The following HMCN1 variants were observed in gnomAD, a reference collection of about 807,000 sequenced individuals.
HMCN1 encodes hemicentin 1.
Under a neutral mutation model 625.9 loss-of-function variants are expected in HMCN1, and 321 were observed. The observed-to-expected ratio is 0.51, with a 90% confidence interval of 0.47 to 0.56. The LOEUF (loss-of-function observed/expected upper bound fraction) is 0.56. Among genes scored for constraint, HMCN1 ranks in the 20% least tolerant of loss-of-function variants. The pLI is 0.00. For synonymous variants in HMCN1, 2,425 were observed against 2,417.6 expected (o/e 1.00, Z -0.09); for missense variants, 6,588 against 6,887.3 (o/e 0.96, Z 1.54).
intron 1 of HMCN1, among the ~76,000 whole-genome samples, chr1:185,801,091 A>T (rs1658763964): frequency 1.3e-5 from 2 of 152,220 alleles, no homozygotes; most frequent in Non-Finnish European, 2.9e-5. Flanking sequence ...GACTGTACAC[A>T]AGAGGTGCTT....
chr1:186,050,093 AATTT>A (rs1281167186), intron 42 of HMCN1, among the ~76,000 whole-genome samples: 5 of 151,430 alleles, frequency 3.3e-5, no homozygotes, highest in Admixed American at 6.6e-5. Context: ...TTTATTTAAT[AATTT>A]ATTTAATATT....
chr1:186,012,389 G>T (rs72718878), intron 30 of HMCN1, among the ~76,000 whole-genome samples: 1 of 150,536 alleles, frequency 6.6e-6, no homozygotes, highest in Non-Finnish European at 1.5e-5. Flanking sequence ...AATCCTTCAG[G>T]TTTTTTTTGG....
intron 2 of HMCN1, among the ~76,000 whole-genome samples, chr1:185,850,054 A>G (rs1662070865): frequency 6.6e-6 from 1 of 152,256 alleles, no homozygotes; most frequent in East Asian, 1.9e-4. Flanking sequence ...AAATGCTTTC[A>G]TGTACCCTTA....
chr1:186,069,578 A>G (rs530486549), intron 50 of HMCN1, 85 bp from the exon 51 acceptor site: 1 of 813,294 alleles, frequency 1.2e-6, no homozygotes, highest in African/African-American at 1.7e-5. Context: ...ATATGTTAAC[A>G]AGAAGACGTA....
chr1:185,791,643 A>G (rs1163778953), intron 1 of HMCN1, among the ~76,000 whole-genome samples: 1 of 152,078 alleles, frequency 6.6e-6, no homozygotes, highest in Admixed American at 6.6e-5. Flanking sequence ...AATCACTTGA[A>G]CCCAGGAGGC....
At chr1:185,982,429 G>A in intron 18 of HMCN1, 40 bp downstream of exon 18, 3 of 1,565,350 alleles carry the variant, frequency 1.9e-6, no homozygotes, top group Non-Finnish European at 2.6e-6. Flanking sequence ...ATTCTTTTGT[G>A]AGTTTTCTTT....
intron 1 of HMCN1, among the ~76,000 whole-genome samples, chr1:185,765,314 C>T (rs951247355): frequency 1.2e-4 from 18 of 151,690 alleles, no homozygotes; most frequent in South Asian, 1.0e-3. Context: ...GCATGAAAAA[C>T]GGAGGAGAGA....
At chr1:186,088,309 TG>T in intron 62 of HMCN1, 33 bp downstream of exon 62, 1 of 1,611,896 alleles carries the variant, frequency 6.2e-7, no homozygotes, top group Non-Finnish European at 8.5e-7. Context: ...TGTGTGTGTG[TG>T]TTTTTTTCTC....
At chr1:186,138,111 T>G in intron 89 of HMCN1, 139 bp downstream of exon 89, 2 of 976,174 alleles carry the variant, frequency 2.0e-6, no homozygotes, top group Non-Finnish European at 3.2e-6. Context: ...ATTCACTATA[T>G]TCTTAGTTCT....
chr1:186,043,002 G>T (rs922316928), intron 40 of HMCN1, among the ~76,000 whole-genome samples: 6 of 151,974 alleles, frequency 3.9e-5, no homozygotes, highest in Non-Finnish European at 7.4e-5. Flanking sequence ...AGTATGTTTT[G>T]CCATACCCTG....
Position 186,128,251 on chromosome 1 carries a change from G to T in HMCN1, c.12864G>T (p.Leu4288Phe), listed in dbSNP as rs1308884935. The change falls in exon 83 of 107, where the codon TTG becomes TTT. Residue 4288 changes from leucine (L) to phenylalanine (F), a missense_variant. By Grantham distance (22) the Leu-to-Phe change is conservative. Coordinates refer to ENST00000271588, the MANE Select transcript of HMCN1 (RefSeq NM_031935.3). ...RLSCKATGIP[L>F]PKLTWTFNNN... ...GCTGTAAAGCTACTGGTATTCCATT[G>T]CCCAAATTAACATGGACCTTCAATA... The T allele has an allele frequency of 6.2e-7, 1 of 1,613,446 alleles. No homozygotes were observed. The highest frequency in any genetic ancestry group is 1.1e-5 in the South Asian group (1 of 91,068).
chr1:185,962,161 G>A (rs1169370582), intron 11 of HMCN1, among the ~76,000 whole-genome samples: 1 of 152,150 alleles, frequency 6.6e-6, no homozygotes, highest in Non-Finnish European at 1.5e-5. Flanking sequence ...TGTCTAGAAA[G>A]AGCCAAAAAC....
intron 1 of HMCN1, among the ~76,000 whole-genome samples, chr1:185,770,993 G>A (rs1656204717): frequency 6.6e-6 from 1 of 152,110 alleles, no homozygotes; most frequent in Admixed American, 6.6e-5. Context: ...TGGATCCTGG[G>A]ATATTCCTGG....
intron 1 of HMCN1, among the ~76,000 whole-genome samples, chr1:185,828,673 A>G (rs1660671002): frequency 6.6e-6 from 1 of 152,150 alleles, no homozygotes; most frequent in Non-Finnish European, 1.5e-5. Flanking sequence ...CACAAGGAAA[A>G]GTGCACTCAT....
intron 14 of HMCN1, among the ~76,000 whole-genome samples, chr1:185,968,727 C>A (rs1012445704): frequency 2.0e-5 from 3 of 151,844 alleles, no homozygotes; most frequent in Non-Finnish European, 4.4e-5. Context: ...TGACTGTAAA[C>A]CCTAGGATAT....
chr1:185,906,238 T>G (rs75569378), intron 4 of HMCN1, among the ~76,000 whole-genome samples: 1 of 151,816 alleles, frequency 6.6e-6, no homozygotes, highest in Non-Finnish European at 1.5e-5. Flanking sequence ...ATCTGTATTT[T>G]CTAATACAAC....
intron 6 of HMCN1, among the ~76,000 whole-genome samples, chr1:185,913,744 T>C (rs1475622488): frequency 6.6e-6 from 1 of 152,186 alleles, no homozygotes; most frequent in Non-Finnish European, 1.5e-5. Context: ...ATGACTGTTA[T>C]TTTACCTTGT....
chr1:185,950,528 C>T (rs1274977698), intron 11 of HMCN1, among the ~76,000 whole-genome samples: 2 of 151,674 alleles, frequency 1.3e-5, no homozygotes, highest in Non-Finnish European at 2.9e-5. Context: ...GTAGAAGGTG[C>T]TTGGGTTTGA....
chr1:185,879,572 C>T (rs1664165091), intron 4 of HMCN1, among the ~76,000 whole-genome samples: 1 of 152,062 alleles, frequency 6.6e-6, no homozygotes, highest in South Asian at 2.1e-4. Context: ...CATTCCATAA[C>T]ATTGTTGAGG....
Sources: gnomAD v4.1 joint callset for allele counts (sites outside exome capture counted in the v4.1 genomes callset) on GRCh38, gnomAD v4.1.1 for gene constraint, MANE v1.5 for transcripts, NCBI Gene and HGNC (gene_info 2026-07-23, HGNC 2026-07-21) for gene names.